Variants in TESK2 observed in about 807,000 individuals in gnomAD.
The protein encoded by TESK2 is dual specificity testis-specific protein kinase 2.
In TESK2, 39 loss-of-function variants were observed where a neutral mutation model predicts 57.1. The ratio of observed to expected loss-of-function variants is 0.68; its 90% CI spans 0.53 to 0.89. The LOEUF is 0.89. TESK2 is among the 40% of genes least tolerant of loss of function. The pLI, the probability that TESK2 is intolerant of heterozygous loss-of-function variation, is 0.00. For synonymous variants in TESK2, 249 were observed against 267.9 expected (o/e 0.93, Z 0.69); for missense variants, 646 against 732.1 (o/e 0.88, Z 1.36).
chr1:45,473,434 C>G (rs181199503), intron 1 of TESK2, among the ~76,000 whole-genome samples: 1 of 152,154 alleles, frequency 6.6e-6, no homozygotes, highest in East Asian at 1.9e-4. Flanking sequence ...TTGCACCAAC[C>G]TAATATGTCA....
intron 3 of TESK2, among the ~76,000 whole-genome samples, chr1:45,416,907 C>A (rs1028562648): frequency 1.3e-5 from 2 of 151,994 alleles, no homozygotes; most frequent in African/African-American, 2.4e-5. Flanking sequence ...CTGCCTCAGC[C>A]TCCTGAGTAA....
chr1:45,373,044 A>G (rs1011265247), intron 4 of TESK2, among the ~76,000 whole-genome samples: 6 of 151,742 alleles, frequency 4.0e-5, no homozygotes, highest in South Asian at 2.1e-4. Flanking sequence ...AAAAAAAAAA[A>G]AAAGAAAAGA....
chr1:45,413,801 A>G (rs1650130490), intron 3 of TESK2: 1 of 456,056 alleles, frequency 2.2e-6, no homozygotes, highest in African/African-American at 2.0e-5. Context: ...CTAGGGTTCC[A>G]AGAGATGGAT....
At chr1:45,404,761 T>C (rs1360062133) in intron 3 of TESK2, among the ~76,000 whole-genome samples, 1 of 152,036 alleles carries the variant, frequency 6.6e-6, no homozygotes, top group Non-Finnish European at 1.5e-5. Flanking sequence ...CAGGTTAGTC[T>C]CGAATACCTG....
At chr1:45,400,163 G>C (rs908048347) in intron 3 of TESK2, among the ~76,000 whole-genome samples, 1 of 152,184 alleles carries the variant, frequency 6.6e-6, no homozygotes, top group African/African-American at 2.4e-5. Flanking sequence ...TAATCACAAG[G>C]TCCTCATAGG....
chr1:45,379,766 C>T (rs1213579266), intron 4 of TESK2, among the ~76,000 whole-genome samples: 5 of 152,192 alleles, frequency 3.3e-5, no homozygotes, highest in African/African-American at 9.7e-5. Flanking sequence ...AACATCTGCT[C>T]GACTGAGATG....
At chr1:45,407,341 T>A (rs1190509203) in intron 3 of TESK2, among the ~76,000 whole-genome samples, 1 of 152,162 alleles carries the variant, frequency 6.6e-6, no homozygotes, top group Non-Finnish European at 1.5e-5. Context: ...ATTATAGGTG[T>A]GAGCCACCGT....
rs191804081 is a variant in TESK2, at chr1:45,423,432, C to G, written c.223-1586G>C. Among the ~76,000 whole-genome samples the G allele has an allele frequency of 2.4e-4, 37 of 152,116 alleles. 1 individual carries two copies. In the East Asian group the frequency reaches 5.0e-3, roughly 21 times the overall value. On this transcript the variant is annotated intron_variant, in intron 2 of 10. Transcript: ENST00000372086. ...ATTAGCTGGGCGTGGTGGCGGGCAC[C>G]TGTAGTCCCAGCTACTCGGGAGGCT...
chr1:45,479,948 G>C (rs550907754), intron 1 of TESK2, among the ~76,000 whole-genome samples: 1 of 148,724 alleles, frequency 6.7e-6, no homozygotes, highest in Non-Finnish European at 1.5e-5. Context: ...TCAGCCTCCC[G>C]AGTAGCTGGA....
At position 45,457,715 on chromosome 1, in the gene TESK2, C is replaced by T. The variant is rs1310350968; in HGVS notation, c.71G>A (p.Gly24Glu). The change falls in exon 2 of 11, where the codon GGA (glycine) becomes GAA (glutamate). Residue 24 changes from glycine to glutamate, a missense_variant. Coordinates refer to ENST00000372086, the MANE Select transcript of TESK2 (RefSeq NM_007170.3). ...CACATTTCCTTCTCCTCCACCACCTCCTTCAAACTCTTCAAGACGCTCCAC... is the reference window on the plus strand; with the variant it reads ...CACATTTCCTTCTCCTCCACCACCTTCTTCAAACTCTTCAAGACGCTCCAC... Reference protein sequence around the residue: ...PRVERLEEFEGGGGGEGNVSQ... With the variant: ...PRVERLEEFEEGGGGEGNVSQ... 1.2e-6 allele frequency: 2 copies of T among 1,614,172 alleles called. No homozygotes were observed. Among genetic ancestry groups the T allele is most frequent in the African/African-American group, 1.3e-5 (1 of 75,040 alleles).
At chr1:45,348,335 T>C (rs72890576) in intron 5 of TESK2, among the ~76,000 whole-genome samples, 2,340 of 152,338 alleles carry the variant, frequency 0.015, 59 homozygotes, top group African/African-American at 0.053. Context: ...GCTTGCAATA[T>C]AGGGGAGAAC....
At chr1:45,386,226 T>A (rs1268682912) in intron 3 of TESK2, among the ~76,000 whole-genome samples, 1 of 151,168 alleles carries the variant, frequency 6.6e-6, no homozygotes, top group East Asian at 1.9e-4. Context: ...GCGCCTGTAG[T>A]CCGAGCTGCT....
At chr1:45,454,933 C>T (rs1330892249) in intron 2 of TESK2, among the ~76,000 whole-genome samples, 1 of 152,024 alleles carries the variant, frequency 6.6e-6, no homozygotes, top group African/African-American at 2.4e-5. Flanking sequence ...ATATAAGGTA[C>T]CTAGAATAAG....
chr1:45,428,816 A>ACTTT (rs768015378), intron 2 of TESK2, among the ~76,000 whole-genome samples: 1 of 82,592 alleles, frequency 1.2e-5, no homozygotes, highest in Non-Finnish European at 2.1e-5. Flanking sequence ...TAAATTCCTG[A>ACTTT]TTTTTTTTTT....
chr1:45,379,778 C>T (rs1648574579), intron 4 of TESK2, among the ~76,000 whole-genome samples: 1 of 152,176 alleles, frequency 6.6e-6, no homozygotes, highest in African/African-American at 2.4e-5. Context: ...ACTGAGATGG[C>T]TCTGTTGTAA....
At chr1:45,485,131 T>G (rs903990692) in intron 1 of TESK2, among the ~76,000 whole-genome samples, 143 of 152,072 alleles carry the variant, frequency 9.4e-4, no homozygotes, top group African/African-American at 3.3e-3. Flanking sequence ...GGAGAGGGCA[T>G]GGAACCAGGT....
intron 4 of TESK2, among the ~76,000 whole-genome samples, chr1:45,364,367 G>C (rs1358087821): frequency 6.6e-6 from 1 of 152,190 alleles, no homozygotes; most frequent in East Asian, 1.9e-4. Context: ...TGTTAAGATA[G>C]AGGCAGAAAT....
chr1:45,490,006 A>C (rs1387581207), intron 1 of TESK2, among the ~76,000 whole-genome samples: 1 of 152,160 alleles, frequency 6.6e-6, no homozygotes, highest in Non-Finnish European at 1.5e-5. Flanking sequence ...TCTCAACTTT[A>C]TTTTGAAACC....
chr1:45,395,689 C>T (rs763676487), intron 3 of TESK2, among the ~76,000 whole-genome samples: 16 of 151,434 alleles, frequency 1.1e-4, no homozygotes, highest in Non-Finnish European at 2.2e-4. Context: ...TCACTGCAAC[C>T]TTGAACTCCT....
Sources: allele counts gnomAD v4.1 joint callset (sites outside exome capture counted in the v4.1 genomes callset), GRCh38; gene constraint gnomAD v4.1.1; transcripts MANE v1.5; gene names NCBI Gene and HGNC (gene_info 2026-07-23, HGNC 2026-07-21).